MACROD2: variants seen among roughly 807,000 people sequenced by gnomAD.
The protein encoded by MACROD2 is ADP-ribose glycohydrolase MACROD2.
MACROD2 carries 36 observed loss-of-function variants against 70.4 expected under a neutral mutation model. The ratio of observed to expected loss-of-function variants is 0.51; its 90% CI spans 0.39 to 0.68. The LOEUF is 0.68. Among genes scored for constraint, MACROD2 ranks in the 30% least tolerant of loss-of-function variants. The pLI is 0.00. For missense variants in MACROD2, 496 were observed against 538.4 expected, an observed-to-expected ratio of 0.92 and a Z score of 0.78; for synonymous variants, 172 against 178.8, an observed-to-expected ratio of 0.96 and a Z score of 0.30.
intron 4 of MACROD2, among the ~76,000 whole-genome samples, chr20:14,540,955 C>T (rs980019054): frequency 2.0e-5 from 3 of 152,162 alleles, no homozygotes; most frequent in Admixed American, 2.0e-4. Flanking sequence ...CCATAATTAG[C>T]CCCATCTTAC....
At chr20:15,476,439 T>C (rs890850468) in intron 7 of MACROD2, among the ~76,000 whole-genome samples, 1 of 152,218 alleles carries the variant, frequency 6.6e-6, no homozygotes, top group African/African-American at 2.4e-5. Context: ...TCACTGATAG[T>C]CAAGTTTTCT....
intron 3 of MACROD2, among the ~76,000 whole-genome samples, chr20:14,245,252 A>T (rs936685297): frequency 2.0e-5 from 3 of 151,736 alleles, no homozygotes; most frequent in Admixed American, 2.0e-4. Flanking sequence ...AGTCCCAGCT[A>T]CTTGGGAGGC....
chr20:16,028,597 T>C (rs753075989), intron 15 of MACROD2, among the ~76,000 whole-genome samples: 1 of 152,228 alleles, frequency 6.6e-6, no homozygotes, highest in Non-Finnish European at 1.5e-5. Flanking sequence ...AGACAGTTTC[T>C]GATTTTGATT....
At chr20:14,631,200 C>T (rs949167638) in intron 4 of MACROD2, among the ~76,000 whole-genome samples, 2 of 152,056 alleles carry the variant, frequency 1.3e-5, no homozygotes, top group Non-Finnish European at 2.9e-5. Flanking sequence ...TTGAAACAAG[C>T]CAGTTTTTCA....
intron 3 of MACROD2, among the ~76,000 whole-genome samples, chr20:14,279,164 A>G (rs974528316): frequency 6.6e-5 from 10 of 152,224 alleles, no homozygotes. Flanking sequence ...CTGAGTAAGA[A>G]ATAACATTTT....
rs143970291 is a variant in MACROD2 at position 15,141,341 on chromosome 20, G to A, written c.419-88599G>A. On this transcript the variant is annotated intron_variant, in intron 5 of 17. Coordinates refer to ENST00000684519, the MANE Select transcript of MACROD2 (RefSeq NM_001351661.2). ...AAGGAGTGCATATAGTTATATATCTGCATATAGAATTTACATGCATTCAGG... is the reference window on the plus strand; with the variant it reads ...AAGGAGTGCATATAGTTATATATCTACATATAGAATTTACATGCATTCAGG... Among the ~76,000 whole-genome samples the A allele has an allele frequency of 2.5e-3, 379 of 151,832 alleles. 7 individuals carry two copies. Among genetic ancestry groups the A allele is most frequent in the African/African-American group, 8.9e-3 (367 of 41,406 alleles).
intron 6 of MACROD2, among the ~76,000 whole-genome samples, chr20:15,340,803 A>C (rs1291866118): frequency 1.3e-5 from 2 of 151,000 alleles, no homozygotes; most frequent in East Asian, 2.0e-4. Context: ...CATGCTTACT[A>C]TTCTCCTTCT....
intron 8 of MACROD2, among the ~76,000 whole-genome samples, chr20:15,774,318 G>A (rs2051685233): frequency 1.3e-5 from 2 of 152,132 alleles, no homozygotes; most frequent in African/African-American, 2.4e-5. Context: ...GTTTCAAAAT[G>A]CTCCCCTGTA....
intron 6 of MACROD2, among the ~76,000 whole-genome samples, chr20:15,244,093 C>G (rs368248543): frequency 6.6e-6 from 1 of 152,004 alleles, no homozygotes; most frequent in African/African-American, 2.4e-5. Context: ...ATTACCTATG[C>G]CCTTTGGTTT....
chr20:15,057,332 T>TA (rs2075494835), intron 5 of MACROD2, among the ~76,000 whole-genome samples: 1 of 152,224 alleles, frequency 6.6e-6, no homozygotes, highest in Admixed American at 6.5e-5. Context: ...AAAGCAAGTG[T>TA]AAAGTAAACA....
intron 5 of MACROD2, among the ~76,000 whole-genome samples, chr20:15,054,579 C>T (rs897973665): frequency 2.0e-5 from 3 of 152,114 alleles, no homozygotes; most frequent in African/African-American, 7.2e-5. Context: ...ACTACACACA[C>T]AACTTTGATA....
intron 3 of MACROD2, among the ~76,000 whole-genome samples, chr20:14,242,012 A>G (rs2081933824): frequency 6.6e-6 from 1 of 152,178 alleles, no homozygotes; most frequent in Admixed American, 6.5e-5. Context: ...CATTTGTATT[A>G]TATTAAAATG....
chr20:14,340,233 G>C (rs528213487), intron 3 of MACROD2, among the ~76,000 whole-genome samples: 6 of 152,192 alleles, frequency 3.9e-5, no homozygotes, highest in Non-Finnish European at 8.8e-5. Context: ...AGGACAACCA[G>C]TGTAGTAGAC....
intron 5 of MACROD2, among the ~76,000 whole-genome samples, chr20:14,720,615 G>A (rs112785112): frequency 7.8e-6 from 1 of 128,996 alleles, no homozygotes; most frequent in Non-Finnish European, 1.5e-5. Flanking sequence ...GTGCTGTGGC[G>A]CCATCTCGGC....
At chr20:15,710,209 A>C (rs78379514) in intron 8 of MACROD2, among the ~76,000 whole-genome samples, 9,657 of 151,132 alleles carry the variant, frequency 0.064, 361 homozygotes, top group South Asian at 0.1. Flanking sequence ...AAAAAAAAAA[A>C]AAAACAATTG....
chr20:15,380,374 G>T (rs1287481785), intron 6 of MACROD2, among the ~76,000 whole-genome samples: 2 of 150,696 alleles, frequency 1.3e-5, no homozygotes, highest in East Asian at 3.9e-4. Context: ...CATCCACAAA[G>T]AGGAAATAAA....
At chr20:14,442,199 G>A (rs1014905931) in intron 3 of MACROD2, among the ~76,000 whole-genome samples, 1 of 152,076 alleles carries the variant, frequency 6.6e-6, no homozygotes, top group Admixed American at 6.6e-5. Context: ...GAACCCAGGA[G>A]GTGGAGGTTG....
At chr20:14,463,389 T>A (rs951540618) in intron 3 of MACROD2, among the ~76,000 whole-genome samples, 43 of 152,204 alleles carry the variant, frequency 2.8e-4, no homozygotes, top group African/African-American at 8.7e-4. Context: ...TGATTTTGTA[T>A]CCTGAGACTT....
intron 5 of MACROD2, among the ~76,000 whole-genome samples, chr20:15,211,909 T>C (rs1373952824): frequency 6.6e-6 from 1 of 152,212 alleles, no homozygotes. Flanking sequence ...TTGAGTGATA[T>C]GGTAACTCTG....
Sources: allele counts gnomAD v4.1 joint callset (sites outside exome capture counted in the v4.1 genomes callset), GRCh38; gene constraint gnomAD v4.1.1; transcripts MANE v1.5; gene names NCBI Gene and HGNC (gene_info 2026-07-23, HGNC 2026-07-21).